GALNTL6: variants seen among roughly 807,000 people sequenced by gnomAD.
The protein encoded by GALNTL6 is polypeptide N-acetylgalactosaminyltransferase like 6, also known as polypeptide N-acetylgalactosaminyltransferase-like 6.
In GALNTL6, 46 loss-of-function variants were observed where a neutral mutation model predicts 73.7. The ratio of observed to expected loss-of-function variants is 0.62; its 90% CI spans 0.49 to 0.80. The LOEUF (loss-of-function observed/expected upper bound fraction) is 0.80, where lower values mean the gene tolerates loss of function less well. Ranked by LOEUF, GALNTL6 falls within the 30% of genes least tolerant of loss-of-function variation. The pLI, the probability that GALNTL6 is intolerant of heterozygous loss-of-function variation, is 0.00. For synonymous variants in GALNTL6, 259 were observed against 263.7 expected, an observed-to-expected ratio of 0.98 and a Z score of 0.17; for missense variants, 604 against 755.0, an observed-to-expected ratio of 0.80 and a Z score of 2.34.
chr4:172,949,535 G>A (rs1315223911), intron 9 of GALNTL6, among the ~76,000 whole-genome samples: 1 of 152,086 alleles, frequency 6.6e-6, no homozygotes, highest in Non-Finnish European at 1.5e-5. Context: ...GGGAAAAGAT[G>A]GTAACTACAG....
chr4:171,912,882 T>A (rs983597580), intron 2 of GALNTL6, among the ~76,000 whole-genome samples: 8 of 152,214 alleles, frequency 5.3e-5, no homozygotes, highest in Non-Finnish European at 8.8e-5. Flanking sequence ...CAGAAATTTA[T>A]TCTTTTTTTG....
chr4:172,582,751 C>G lies in GALNTL6; in HGVS notation c.554-226610C>G, dbSNP rs1487573568. 2.5e-5 allele frequency among the ~76,000 whole-genome samples: 3 copies of G among 119,918 alleles called. No individual in the cohort carries two copies. The Admixed American group carries it at 2.5e-4, about 10-fold the overall frequency. The allele number at this position is 119,918 out of a possible 152,430, so 78.7% of individuals were successfully genotyped here. On this transcript the variant is annotated intron_variant, in intron 5 of 12. Transcript: ENST00000506823. ...TTGGGAAATCACACACACACAGACA[C>G]ACACACACACACACACACACACACA...
intron 2 of GALNTL6, among the ~76,000 whole-genome samples, chr4:172,219,903 G>T (rs527669956): frequency 3.9e-5 from 6 of 152,000 alleles, no homozygotes; most frequent in Non-Finnish European, 8.8e-5. Flanking sequence ...GCTTACCCAC[G>T]TAAGAACCAA....
intron 2 of GALNTL6, among the ~76,000 whole-genome samples, chr4:172,077,787 G>A (rs1331289608): frequency 6.6e-6 from 1 of 152,168 alleles, no homozygotes; most frequent in Non-Finnish European, 1.5e-5. Flanking sequence ...ATAGCCAAGA[G>A]AAAGGGGAAA....
intron 2 of GALNTL6, among the ~76,000 whole-genome samples, chr4:171,883,653 C>CTTTT (rs796547805): frequency 3.5e-4 from 51 of 144,022 alleles, no homozygotes; most frequent in African/African-American, 1.2e-3. Flanking sequence ...CTTTTCTTTT[C>CTTTT]TTTTTTTTTT....
chr4:172,312,716 G>A (rs796680554), intron 4 of GALNTL6, among the ~76,000 whole-genome samples: 3 of 152,196 alleles, frequency 2.0e-5, no homozygotes, highest in African/African-American at 7.2e-5. Context: ...AAAGATAATT[G>A]ACCCTTTAGA....
At chr4:172,859,050 A>C (rs1372576754) in intron 7 of GALNTL6, among the ~76,000 whole-genome samples, 1 of 151,618 alleles carries the variant, frequency 6.6e-6, no homozygotes, top group Admixed American at 6.6e-5. Flanking sequence ...GGTCAGGAAA[A>C]AAAAAAAAAC....
At chr4:172,966,522 G>T (rs546077170) in intron 10 of GALNTL6, among the ~76,000 whole-genome samples, 3 of 152,072 alleles carry the variant, frequency 2.0e-5, no homozygotes, top group Non-Finnish European at 2.9e-5. Flanking sequence ...AGCTTCCCAA[G>T]TAGCTGGGAT....
chr4:172,106,390 T>C (rs1297599729), intron 2 of GALNTL6, among the ~76,000 whole-genome samples: 2 of 152,154 alleles, frequency 1.3e-5, no homozygotes, highest in Non-Finnish European at 2.9e-5. Context: ...AAAATATCTT[T>C]GTGATAGGTA....
At chr4:172,713,940 G>C (rs927723131) in intron 5 of GALNTL6, among the ~76,000 whole-genome samples, 2 of 152,120 alleles carry the variant, frequency 1.3e-5, no homozygotes, top group Non-Finnish European at 2.9e-5. Context: ...GGACTTGATG[G>C]GTGCAGTGGC....
At chr4:172,851,166 A>G (rs1743794057) in intron 7 of GALNTL6, among the ~76,000 whole-genome samples, 2 of 152,070 alleles carry the variant, frequency 1.3e-5, no homozygotes, top group South Asian at 4.1e-4. Flanking sequence ...TTTAGAACAA[A>G]GGAATCTACT....
intron 2 of GALNTL6, among the ~76,000 whole-genome samples, chr4:172,021,201 C>A (rs939790141): frequency 2.0e-5 from 3 of 151,968 alleles, no homozygotes; most frequent in African/African-American, 7.2e-5. Flanking sequence ...AAACTGAAAG[C>A]CTTTTATCTA....
intron 7 of GALNTL6, among the ~76,000 whole-genome samples, chr4:172,864,214 C>T (rs897585017): frequency 1.3e-5 from 2 of 152,192 alleles, no homozygotes; most frequent in Non-Finnish European, 2.9e-5. Flanking sequence ...TACCAACAAG[C>T]TGTTGCTTCC....
At chr4:172,658,878 C>A (rs2111173331) in intron 5 of GALNTL6, among the ~76,000 whole-genome samples, 1 of 152,144 alleles carries the variant, frequency 6.6e-6, no homozygotes, top group East Asian at 1.9e-4. Context: ...ACGTTGGTGA[C>A]AAGTCATTTC....
At chr4:171,837,277 G>C (rs923544281) in intron 2 of GALNTL6, among the ~76,000 whole-genome samples, 1 of 152,042 alleles carries the variant, frequency 6.6e-6, no homozygotes, top group Non-Finnish European at 1.5e-5. Flanking sequence ...GGAAAATCAG[G>C]AAAAATCTAG....
At chr4:172,494,081 A>G (rs1436024193) in intron 5 of GALNTL6, among the ~76,000 whole-genome samples, 2 of 152,160 alleles carry the variant, frequency 1.3e-5, no homozygotes, top group Non-Finnish European at 2.9e-5. Context: ...ATTATCTTTT[A>G]TCCCACAGAA....
At chr4:172,039,204 T>C (rs1742019352) in intron 2 of GALNTL6, among the ~76,000 whole-genome samples, 2 of 152,202 alleles carry the variant, frequency 1.3e-5, no homozygotes, top group South Asian at 2.1e-4. Context: ...CTTTTTTGTT[T>C]GTTTAACTGG....
chr4:172,020,933 A>G (rs1741378025), intron 2 of GALNTL6, among the ~76,000 whole-genome samples: 1 of 152,066 alleles, frequency 6.6e-6, no homozygotes, highest in South Asian at 2.1e-4. Flanking sequence ...ATTCAACAAC[A>G]CATTGAAAAA....
intron 2 of GALNTL6, among the ~76,000 whole-genome samples, chr4:172,160,143 T>C (rs1734406963): frequency 6.6e-6 from 1 of 151,750 alleles, no homozygotes; most frequent in Non-Finnish European, 1.5e-5. Flanking sequence ...TAGGCAGTTG[T>C]GTGTGTGTGT....
Sources: allele counts gnomAD v4.1 joint callset (sites outside exome capture counted in the v4.1 genomes callset), GRCh38; gene constraint gnomAD v4.1.1; transcripts MANE v1.5; gene names NCBI Gene and HGNC (gene_info 2026-07-23, HGNC 2026-07-21).